PTPRT: variants seen among roughly 807,000 people sequenced by gnomAD.
The protein encoded by PTPRT is receptor-type tyrosine-protein phosphatase T.
Under a neutral mutation model 176.8 loss-of-function variants are expected in PTPRT, and 56 were observed. That is an observed-to-expected ratio of 0.32 (90% CI 0.26 to 0.40). PTPRT has a LOEUF of 0.40. Among genes scored for constraint, PTPRT ranks in the 10% least tolerant of loss-of-function variants. The pLI, the probability that PTPRT is intolerant of heterozygous loss-of-function variation, is 1.00. For missense variants in PTPRT, 1,540 were observed against 1,908.2 expected (o/e 0.81, Z 3.60); for synonymous variants, 783 against 739.0 (o/e 1.06, Z -0.96).
At chr20:42,731,717 G>A (rs1010499389) in intron 6 of PTPRT, among the ~76,000 whole-genome samples, 5 of 152,086 alleles carry the variant, frequency 3.3e-5, no homozygotes, top group Non-Finnish European at 4.4e-5. Context: ...CTCCCCTGTG[G>A]CCTCTAAGGT....
Position 42,944,172 on chromosome 20 carries a change from T to A in PTPRT, c.89-58240A>T, listed in dbSNP as rs562182296. 2.0e-5 allele frequency among the ~76,000 whole-genome samples: 3 copies of A among 152,286 alleles called. No homozygotes were observed. The East Asian group carries it at 5.8e-4, about 29-fold the overall frequency. ...TATCTTGCCACTGAGTCATGAAGACTTCTGAGAAACACACAAGGGAGAGCA... is the reference window on the plus strand; with the variant it reads ...TATCTTGCCACTGAGTCATGAAGACATCTGAGAAACACACAAGGGAGAGCA... On this transcript the variant is annotated intron_variant, in intron 1 of 30. Transcript: ENST00000373187.
In PTPRT at chr20:42,075,890, C is replaced by T. The variant is rs1682675407; in HGVS notation, c.*4989G>A. 4.8e-6 allele frequency: 1 copy of T among 206,956 alleles called. No individual in the cohort carries two copies. Among genetic ancestry groups the T allele is most frequent in the Non-Finnish European group, 9.9e-6 (1 of 101,466 alleles). 12.8% of individuals were successfully genotyped at this position (206,956 alleles called of 1,614,324 possible). A position where few individuals can be genotyped will look rare whatever the true frequency, so the allele number is the denominator to read the frequency against. On this transcript the variant is annotated 3_prime_UTR_variant, in exon 31 of 31. Transcript: ENST00000373187. ...AGATTTGCCCTTGTTCCAAGTGGCT[C>T]TGGCAAGCTGTTACCCATCCTTTCT...
intron 1 of PTPRT, among the ~76,000 whole-genome samples, chr20:43,082,560 A>C (rs555369790): frequency 6.6e-6 from 1 of 152,212 alleles, no homozygotes; most frequent in South Asian, 2.1e-4. Context: ...CATTGTCTGG[A>C]AATTTAGTTC....
chr20:42,068,568 A>G (rs984118833), downstream of PTPRT, among the ~76,000 whole-genome samples: 9 of 152,120 alleles, frequency 5.9e-5, no homozygotes, highest in African/African-American at 1.9e-4. Flanking sequence ...ACGATTGACC[A>G]ATTTTCTGAG....
chr20:42,969,503 A>G (rs1435056711), intron 1 of PTPRT: 1 of 152,216 alleles, frequency 6.6e-6, no homozygotes, highest in Non-Finnish European at 1.5e-5. Flanking sequence ...AATAACAGAT[A>G]ACATTACTGA....
intron 7 of PTPRT, among the ~76,000 whole-genome samples, chr20:42,587,525 G>A (rs986715090): frequency 3.3e-5 from 5 of 152,212 alleles, no homozygotes; most frequent in Non-Finnish European, 7.3e-5. Context: ...TCTGACCCTT[G>A]CACGGCCTGA....
At chr20:43,084,056 C>T (rs754054217) in intron 1 of PTPRT, among the ~76,000 whole-genome samples, 7 of 152,220 alleles carry the variant, frequency 4.6e-5, no homozygotes, top group Non-Finnish European at 8.8e-5. Context: ...GATATTTGGA[C>T]TGTTTCCACT....
chr20:42,062,147 G>T, the PTPRT span, among the ~76,000 whole-genome samples: 1 of 152,094 alleles, frequency 6.6e-6, no homozygotes, highest in Admixed American at 6.5e-5. Context: ...TTCCACTTCG[G>T]CAGGCCTTAA....
At chr20:42,345,522 T>C (rs915519931) in intron 11 of PTPRT, among the ~76,000 whole-genome samples, 11 of 149,028 alleles carry the variant, frequency 7.4e-5, no homozygotes, top group African/African-American at 2.5e-4. Context: ...ACTATAGATA[T>C]ACATATATAT....
At chr20:42,952,699 C>T (rs1377304286) in intron 1 of PTPRT, among the ~76,000 whole-genome samples, 1 of 152,202 alleles carries the variant, frequency 6.6e-6, no homozygotes, top group Non-Finnish European at 1.5e-5. Flanking sequence ...CACTAATATG[C>T]TCCAGTTACC....
chr20:42,237,349 C>T (rs2056266192), intron 14 of PTPRT, among the ~76,000 whole-genome samples: 1 of 152,184 alleles, frequency 6.6e-6, no homozygotes, highest in African/African-American at 2.4e-5. Context: ...TCTGAACAGA[C>T]TCTACCTTGA....
chr20:42,999,024 C>T (rs76952228), intron 1 of PTPRT, among the ~76,000 whole-genome samples: 2 of 152,194 alleles, frequency 1.3e-5, no homozygotes, highest in Non-Finnish European at 2.9e-5. Context: ...TACCTGAATA[C>T]ATTTTGTGCC....
intron 3 of PTPRT, among the ~76,000 whole-genome samples, chr20:42,786,990 T>C (rs1439828284): frequency 6.6e-6 from 1 of 152,240 alleles, no homozygotes; most frequent in Non-Finnish European, 1.5e-5. Flanking sequence ...CACCTGTTTT[T>C]GCACATAAAG....
chr20:42,070,603 A>G (rs986880434), downstream of PTPRT, among the ~76,000 whole-genome samples: 30 of 152,102 alleles, frequency 2.0e-4, no homozygotes, highest in African/African-American at 7.2e-4. Context: ...GCATATTTCC[A>G]TGGAAATATG....
intron 13 of PTPRT, among the ~76,000 whole-genome samples, chr20:42,251,664 G>A (rs2056552771): frequency 6.6e-6 from 1 of 151,766 alleles, no homozygotes; most frequent in Non-Finnish European, 1.5e-5. Context: ...AGCAGCATAT[G>A]GGAGCAGCAG....
chr20:43,157,817 T>C (rs1322247887), intron 1 of PTPRT, among the ~76,000 whole-genome samples: 1 of 152,112 alleles, frequency 6.6e-6, no homozygotes, highest in African/African-American at 2.4e-5. Flanking sequence ...GGAGTGTGCC[T>C]GATGTGTTCA....
At chr20:42,315,008 T>A (rs963428333) in intron 12 of PTPRT, among the ~76,000 whole-genome samples, 1 of 152,154 alleles carries the variant, frequency 6.6e-6, no homozygotes. Flanking sequence ...ACCTTTGATA[T>A]GCTTTCCAGC....
chr20:42,689,153 C>G (rs2075750401), intron 6 of PTPRT, among the ~76,000 whole-genome samples: 1 of 152,190 alleles, frequency 6.6e-6, no homozygotes, highest in Non-Finnish European at 1.5e-5. Flanking sequence ...CAAAAAGTTG[C>G]CTTTTGGCCC....
chr20:42,953,284 C>T (rs1020517002), intron 1 of PTPRT, among the ~76,000 whole-genome samples: 9 of 152,178 alleles, frequency 5.9e-5, no homozygotes, highest in Non-Finnish European at 4.4e-5. Flanking sequence ...CTAGCAGGTG[C>T]ATAGTGAGGC....
Sources: allele counts gnomAD v4.1 joint callset (sites outside exome capture counted in the v4.1 genomes callset), GRCh38; gene constraint gnomAD v4.1.1; transcripts MANE v1.5; gene names NCBI Gene and HGNC (gene_info 2026-07-23, HGNC 2026-07-21).